The following CSMD1 variants were observed in gnomAD, a reference collection of about 807,000 sequenced individuals.
CSMD1 encodes CUB and sushi domain-containing protein 1.
In CSMD1, 213 loss-of-function variants were observed where a neutral mutation model predicts 417.5. The observed-to-expected ratio is 0.51, with a 90% CI of 0.46 to 0.57. CSMD1 has a LOEUF of 0.57. Among genes scored for constraint, CSMD1 ranks in the 20% least tolerant of loss-of-function variants. CSMD1 has a pLI of 0.00. For synonymous variants in CSMD1, 2,862 were observed against 1,736.8 expected (o/e 1.65, Z -16.11); for missense variants, 6,923 against 4,529.7 (o/e 1.53, Z -15.17).
At chr8:3,291,694 A>G (rs896630076) in intron 25 of CSMD1, among the ~76,000 whole-genome samples, 16 of 151,346 alleles carry the variant, frequency 1.1e-4, no homozygotes, top group Non-Finnish European at 2.2e-4. Context: ...ATTTTTTATT[A>G]TGTCTATTTG....
intron 3 of CSMD1, among the ~76,000 whole-genome samples, chr8:4,054,558 C>T (rs55707403): frequency 5.9e-5 from 9 of 151,990 alleles, no homozygotes; most frequent in Admixed American, 4.6e-4. Flanking sequence ...GTCCCTCTTG[C>T]GGAGTTCAAC....
At chr8:3,947,388 A>G (rs1178276537) in intron 5 of CSMD1, among the ~76,000 whole-genome samples, 1 of 152,224 alleles carries the variant, frequency 6.6e-6, no homozygotes, top group Non-Finnish European at 1.5e-5. Flanking sequence ...CCCAGTGGTC[A>G]TGACGTGCTA....
chr8:4,713,592 G>C (rs1808453508), intron 1 of CSMD1, among the ~76,000 whole-genome samples: 1 of 151,892 alleles, frequency 6.6e-6, no homozygotes, highest in African/African-American at 2.4e-5. Context: ...GTAGAGACGG[G>C]GTTTCACCAT....
Position 4,041,368 on chromosome 8 carries a change from G to A in CSMD1, c.416-9269C>T, listed in dbSNP as rs147173062. Among the ~76,000 whole-genome samples the A allele has an allele frequency of 9.2e-4, 140 of 152,132 alleles. 1 individual carries two copies. Among genetic ancestry groups the A allele is most frequent in the African/African-American group, 3.2e-3 (131 of 41,500 alleles). ...AGAATTAATCCATATATAAATTTTC[G>A]CAAAACTATGACAAGAATTGTTAAA... On this transcript the variant is annotated intron_variant, in intron 3 of 69. Transcript: ENST00000635120.
At chr8:3,985,661 T>G (rs1255847033) in intron 5 of CSMD1, among the ~76,000 whole-genome samples, 8 of 152,134 alleles carry the variant, frequency 5.3e-5, no homozygotes, top group African/African-American at 1.9e-4. Flanking sequence ...GCTTGCTAGG[T>G]TGATGCTAGA....
intron 2 of CSMD1, among the ~76,000 whole-genome samples, chr8:4,529,887 AATTT>A (rs138484911): frequency 0.21 from 25,151 of 117,294 alleles, 2,512 homozygotes; most frequent in Non-Finnish European, 0.24. Flanking sequence ...TTTTTTTTTA[AATTT>A]ATTTAATTTT....
intron 5 of CSMD1, among the ~76,000 whole-genome samples, chr8:3,959,787 GC>G (rs1301806632): frequency 1.4e-4 from 21 of 152,256 alleles, no homozygotes; most frequent in Admixed American, 1.1e-3. Context: ...TGGAATAGCT[GC>G]AGGTACTCTG....
At chr8:3,804,675 G>C (rs889504318) in intron 5 of CSMD1, among the ~76,000 whole-genome samples, 1 of 152,132 alleles carries the variant, frequency 6.6e-6, no homozygotes, top group African/African-American at 2.4e-5. Flanking sequence ...GAAAAATTAA[G>C]AGAAATGTGA....
chr8:3,338,425 A>G (rs990735362), intron 23 of CSMD1, among the ~76,000 whole-genome samples: 3 of 152,250 alleles, frequency 2.0e-5, no homozygotes, highest in African/African-American at 7.2e-5. Context: ...TAAGTACAAG[A>G]AAGGGATAGA....
chr8:3,755,331 G>A (rs557955716), intron 5 of CSMD1, among the ~76,000 whole-genome samples: 6 of 152,290 alleles, frequency 3.9e-5, no homozygotes, highest in South Asian at 2.1e-4. Flanking sequence ...ATCAAGGGTC[G>A]AAAGATGATA....
rs1259939524 is a variant in CSMD1 at position 4,569,965 on chromosome 8, T to C, written c.302+67377A>G. On this transcript the variant is annotated intron_variant, in intron 2 of 69. Coordinates refer to ENST00000635120, the MANE Select transcript of CSMD1 (RefSeq NM_033225.6). ...GTCTATTGTTGGTGTATAGGAATGC[T>C]TGTGATTTTTGCACATTGATTTTGT... 2.0e-5 allele frequency among the ~76,000 whole-genome samples: 3 copies of C among 152,228 alleles called. No individual in the cohort carries two copies. The East Asian group carries it at 5.8e-4, about 29-fold the overall frequency.
intron 3 of CSMD1, among the ~76,000 whole-genome samples, chr8:4,276,639 T>C (rs897593216): frequency 6.6e-6 from 1 of 152,168 alleles, no homozygotes; most frequent in African/African-American, 2.4e-5. Context: ...TTAAGTGAAG[T>C]AGTGATTCAA....
intron 46 of CSMD1, among the ~76,000 whole-genome samples, chr8:3,099,144 T>C (rs1815554022): frequency 6.6e-6 from 1 of 152,016 alleles, no homozygotes; most frequent in Admixed American, 6.6e-5. Context: ...AGCGCTGCAG[T>C]GAAGCCAGCA....
intron 2 of CSMD1, among the ~76,000 whole-genome samples, chr8:4,459,209 G>T (rs973021532): frequency 6.6e-6 from 1 of 152,202 alleles, no homozygotes; most frequent in Non-Finnish European, 1.5e-5. Context: ...TCGCTTTCAA[G>T]TTCCACCTAT....
At chr8:3,611,141 G>C (rs1584958581) in intron 8 of CSMD1, among the ~76,000 whole-genome samples, 1 of 149,998 alleles carries the variant, frequency 6.7e-6, no homozygotes, top group South Asian at 2.1e-4. Context: ...TAAATGACGA[G>C]TTAATGGCTG....
At chr8:3,309,745 A>G (rs1054049708) in intron 23 of CSMD1, among the ~76,000 whole-genome samples, 1 of 152,208 alleles carries the variant, frequency 6.6e-6, no homozygotes, top group African/African-American at 2.4e-5. Flanking sequence ...GACTTCTGCT[A>G]CATCCTCCTG....
intron 3 of CSMD1, among the ~76,000 whole-genome samples, chr8:4,043,123 ACT>A (rs1314596084): frequency 1.3e-5 from 2 of 152,020 alleles, no homozygotes; most frequent in African/African-American, 4.8e-5. Context: ...AGACAGTGAG[ACT>A]CTGTCTACAA....
intron 4 of CSMD1, among the ~76,000 whole-genome samples, chr8:4,015,370 C>T (rs1476747500): frequency 3.3e-5 from 5 of 152,124 alleles, no homozygotes; most frequent in Non-Finnish European, 7.3e-5. Flanking sequence ...CCTGCCTTTT[C>T]ATCTCTAGTA....
intron 3 of CSMD1, among the ~76,000 whole-genome samples, chr8:4,173,021 A>G (rs1309176490): frequency 6.6e-6 from 1 of 152,162 alleles, no homozygotes; most frequent in African/African-American, 2.4e-5. Context: ...AATGCTTGGT[A>G]TTTTAGCCCC....
Sources: allele counts gnomAD v4.1 joint callset (sites outside exome capture counted in the v4.1 genomes callset), GRCh38; gene constraint gnomAD v4.1.1; transcripts MANE v1.5; gene names NCBI Gene and HGNC (gene_info 2026-07-23, HGNC 2026-07-21).